The following DMXL1 variants were observed in gnomAD, a reference collection of about 807,000 sequenced individuals.
DMXL1 encodes the protein dmX-like protein 1.
In DMXL1, 99 loss-of-function variants were observed where a neutral mutation model predicts 319.2. The observed-to-expected ratio is 0.31, with a 90% CI of 0.26 to 0.37. The LOEUF (loss-of-function observed/expected upper bound fraction) is 0.37, where lower values mean the gene tolerates loss of function less well. Among genes scored for constraint, DMXL1 ranks in the 10% least tolerant of loss-of-function variants. The pLI, the probability that DMXL1 is intolerant of heterozygous loss-of-function variation, is 1.00. For synonymous variants in DMXL1, 1,385 were observed against 1,235.2 expected (o/e 1.12, Z -2.54); for missense variants, 3,745 against 3,595.6 (o/e 1.04, Z -1.06).
chr5:119,146,876 T>C lies in DMXL1; in HGVS notation c.2609T>C (p.Ile870Thr). ...PNGFSEKFYL[I>T]VIECTQDNRS... Reference sequence around the variant, plus strand: ...GGATTTTCTGAGAAGTTCTACCTAATTGTAATAGAATGCACTCAAGACAAC... The same window carrying C: ...GGATTTTCTGAGAAGTTCTACCTAACTGTAATAGAATGCACTCAAGACAAC... The change falls in exon 16 of 44, where the codon ATT becomes ACT. Residue 870 changes from isoleucine to threonine, a missense_variant. Around this residue, in one of 4 missense-constraint regions of DMXL1, gnomAD observed 2,096 missense variants for 1,985.4 expected, o/e 1.06. Coordinates refer to ENST00000539542, the MANE Select transcript of DMXL1 (RefSeq NM_001290321.3). The C allele has an allele frequency of 6.2e-7, 1 of 1,611,784 alleles. No individual in the cohort carries two copies. Among genetic ancestry groups the C allele is most frequent in the Non-Finnish European group, 8.5e-7 (1 of 1,178,618 alleles).
chr5:119,149,659 C>T lies in DMXL1; in HGVS notation c.3832C>T (p.Pro1278Ser), dbSNP rs1426117088. The T allele has an allele frequency of 6.2e-7, 1 of 1,613,916 alleles. No homozygotes were observed. The highest frequency in any genetic ancestry group is 1.7e-5 in the Admixed American group (1 of 59,956). Reference protein sequence around the residue: ...QSNSSSGLHPPKKTLTRSMTS... With the variant: ...QSNSSSGLHPSKKTLTRSMTS... ...TAACTCCAGTTCTGGGTTACATCCTCCAAAGAAAACTCTGACTCGATCCAT... is the reference window on the plus strand; with the variant it reads ...TAACTCCAGTTCTGGGTTACATCCTTCAAAGAAAACTCTGACTCGATCCAT... The change falls in exon 18 of 44, where the codon CCA (proline) becomes TCA (serine). Residue 1278 changes from proline to serine, a missense_variant. Physicochemically the swap from Pro to Ser is moderately conservative, Grantham distance 74 (BLOSUM62 -1). Coordinates refer to ENST00000539542, the MANE Select transcript of DMXL1 (RefSeq NM_001290321.3).
intron 7 of DMXL1, among the ~76,000 whole-genome samples, chr5:119,116,927 T>A (rs568739100): frequency 6.6e-6 from 1 of 152,090 alleles, no homozygotes; most frequent in East Asian, 1.9e-4. Context: ...TTTTCTGTAG[T>A]TCTGGAAAGA....
intron 19 of DMXL1, among the ~76,000 whole-genome samples, chr5:119,156,005 G>A (rs1022375239): frequency 1.3e-5 from 2 of 152,122 alleles, no homozygotes; most frequent in East Asian, 1.9e-4. Flanking sequence ...CATTGGCAGG[G>A]TTTGAGAGGA....
intron 32 of DMXL1, 67 bp downstream of exon 32, chr5:119,198,023 C>T (rs1300181859): frequency 2.0e-6 from 3 of 1,498,498 alleles, no homozygotes; most frequent in East Asian, 4.5e-5. Flanking sequence ...GTGTCTCGCT[C>T]TGTCATCCGG....
intron 30 of DMXL1, among the ~76,000 whole-genome samples, chr5:119,194,371 A>C (rs1779226450): frequency 6.6e-6 from 1 of 152,234 alleles, no homozygotes. Flanking sequence ...CACTAGTACT[A>C]TAAGATGTCA....
At chr5:119,101,912 A>G in intron 2 of DMXL1, 23 bp from the exon 3 acceptor site, 1 of 1,515,152 alleles carries the variant, frequency 6.6e-7, no homozygotes, top group Non-Finnish European at 9.0e-7. Context: ...ATCCCTAATA[A>G]ATTCTTTTTT....
chr5:119,240,677 C>G (rs941392705), intron 42 of DMXL1, among the ~76,000 whole-genome samples: 1 of 152,064 alleles, frequency 6.6e-6, no homozygotes, highest in Non-Finnish European at 1.5e-5. Flanking sequence ...AGTGAGACAT[C>G]GATAATATAA....
At chr5:119,184,536 G>A (rs1274330680) in intron 28 of DMXL1, among the ~76,000 whole-genome samples, 1 of 152,106 alleles carries the variant, frequency 6.6e-6, no homozygotes, top group Non-Finnish European at 1.5e-5. Context: ...TTTAGCAAGT[G>A]AACCATTTTT....
chr5:119,220,788 G>A, intron 36 of DMXL1, 152 bp from the exon 37 acceptor site: 1 of 1,117,726 alleles, frequency 8.9e-7, no homozygotes, highest in Non-Finnish European at 1.3e-6. Context: ...AACAGAAATT[G>A]TTGAGGTATG....
At chr5:119,101,336 A>T (rs896955679) in intron 2 of DMXL1, among the ~76,000 whole-genome samples, 1 of 151,902 alleles carries the variant, frequency 6.6e-6, no homozygotes, top group Non-Finnish European at 1.5e-5. Context: ...TCATTCATTT[A>T]ATCTCTCTCT....
At position 119,149,623 on chromosome 5, in the gene DMXL1, A is replaced by G. The variant is rs1769325467; in HGVS notation, c.3796A>G (p.Ile1266Val). Residue 1266 changes from isoleucine to valine, a missense_variant, in exon 18 of 44, where the codon ATA becomes GTA. By Grantham distance (29) the Ile-to-Val change is conservative. This residue lies in a region of DMXL1 where 2,096 missense variants were observed against 1,985.4 expected (regional missense o/e 1.06). Coordinates refer to ENST00000539542, the MANE Select transcript of DMXL1 (RefSeq NM_001290321.3). ...SGSTPSITSL[I>V]KQSNSSSGLH... The stretch of plus-strand genomic sequence containing the variant: ...GAGCACTCCATCTATAACAAGTTTA[A>G]TAAAACAGAGTAACTCCAGTTCTGG... 1.9e-6 allele frequency: 3 copies of G among 1,613,928 alleles called. No homozygotes were observed. Among genetic ancestry groups the G allele is most frequent in the Non-Finnish European group, 2.5e-6 (3 of 1,179,902 alleles).
In DMXL1 at chr5:119,095,000, C is replaced by T. The variant is rs139743281; in HGVS notation, c.88-2979C>T. On this transcript the variant is annotated intron_variant, in intron 1 of 43. Coordinates refer to ENST00000539542, the MANE Select transcript of DMXL1 (RefSeq NM_001290321.3). ...CCTTTTGGGTAGCTGGGACTACAGG[C>T]GTACGCCACTGCAACCAGCTAATTT... Among the ~76,000 whole-genome samples the T allele has an allele frequency of 2.1e-3, 324 of 152,142 alleles. 1 individual carries two copies. The highest frequency in any genetic ancestry group is 3.9e-3 in the Non-Finnish European group (266 of 68,004).
At chr5:119,238,253 C>A (rs2150722279) in intron 40 of DMXL1, among the ~76,000 whole-genome samples, 1 of 152,074 alleles carries the variant, frequency 6.6e-6, no homozygotes, top group South Asian at 2.1e-4. Flanking sequence ...TCTAGCCCAG[C>A]TCCAGTAGTG....
chr5:119,171,668 C>T, intron 24 of DMXL1, 110 bp from the exon 25 acceptor site: 3 of 826,710 alleles, frequency 3.6e-6, no homozygotes, highest in South Asian at 2.7e-5. Context: ...TTCTATTATG[C>T]TTTTATTTTT....
At chr5:119,077,734 A>G (rs1225327360) in intron 1 of DMXL1, among the ~76,000 whole-genome samples, 1 of 125,822 alleles carries the variant, frequency 7.9e-6, no homozygotes, top group East Asian at 2.2e-4. Context: ...GTATGTGTAC[A>G]TATATACATT....
In DMXL1 at chr5:119,149,360, A is replaced by G. The variant is rs775775320; in HGVS notation, c.3533A>G (p.Lys1178Arg). 14 of 1,613,834 alleles carry G rather than the reference A, an allele frequency of 8.7e-6. No individual in the cohort carries two copies. The African/African-American group carries it at 1.9e-4, about 22-fold the overall frequency. The part of the protein sequence containing the change: ...LAGKVQDQTG[K>R]ETLAFPLWES... Reference sequence around the variant, plus strand: ...GGCAAGGTACAAGACCAAACTGGTAAGGAAACCCTGGCATTTCCTCTCTGG... The same window carrying G: ...GGCAAGGTACAAGACCAAACTGGTAGGGAAACCCTGGCATTTCCTCTCTGG... The change falls in exon 18 of 44, where the codon AAG (lysine) becomes AGG (arginine). Residue 1178 changes from lysine to arginine, a missense_variant. By Grantham distance (26) the Lys-to-Arg change is conservative. Transcript: ENST00000539542.
At chr5:119,209,365 TTA>T (rs1782335105) in intron 34 of DMXL1, among the ~76,000 whole-genome samples, 1 of 151,810 alleles carries the variant, frequency 6.6e-6, no homozygotes. Flanking sequence ...TTTTTTTTTT[TTA>T]AAAGGCAGGG....
chr5:119,115,397 G>A (rs1371604593), intron 6 of DMXL1, among the ~76,000 whole-genome samples: 2 of 152,128 alleles, frequency 1.3e-5, no homozygotes, highest in African/African-American at 4.8e-5. Flanking sequence ...TTAAAGCAAT[G>A]TATTTCTTTG....
At chr5:119,109,899 A>T (rs567493254) in intron 4 of DMXL1, among the ~76,000 whole-genome samples, 7 of 152,220 alleles carry the variant, frequency 4.6e-5, no homozygotes, top group Non-Finnish European at 1.0e-4. Flanking sequence ...TTGTATTTCC[A>T]ATGTCTAGCA....
Sources: gnomAD v4.1 joint callset for allele counts (sites outside exome capture counted in the v4.1 genomes callset) on GRCh38, gnomAD v4.1.1 for gene constraint, gnomAD v4.1.1 regional missense constraint, MANE v1.5 for transcripts, NCBI Gene and HGNC (gene_info 2026-07-23, HGNC 2026-07-21) for gene names.